SPATA6L: variants seen among roughly 807,000 people sequenced by gnomAD.
SPATA6L encodes the protein spermatogenesis associated 6 like.
In SPATA6L, 68 loss-of-function variants were observed where a neutral mutation model predicts 49.2. That is an observed-to-expected ratio of 1.38 (90% CI 1.14 to 1.69). The LOEUF (loss-of-function observed/expected upper bound fraction) is 1.69, where lower values mean the gene tolerates loss of function less well. Among genes scored for constraint, SPATA6L ranks in the 40% most tolerant of loss-of-function variants. SPATA6L has a pLI of 0.00. For synonymous variants in SPATA6L, 198 were observed against 165.7 expected (o/e 1.19, Z -1.50); for missense variants, 668 against 464.3 (o/e 1.44, Z -4.03).
chr9:4,597,397 G>A (rs1822367779), downstream of SPATA6L, among the ~76,000 whole-genome samples: 1 of 151,106 alleles, frequency 6.6e-6, no homozygotes, highest in African/African-American at 2.4e-5. Context: ...GAGGTGGGCG[G>A]AGCTAATGGA....
chr9:4,648,541 A>C (rs972151979), intron 3 of SPATA6L, among the ~76,000 whole-genome samples: 1 of 151,736 alleles, frequency 6.6e-6, no homozygotes, highest in Non-Finnish European at 1.5e-5. Flanking sequence ...TCTACTAAAA[A>C]TACAAAAAAT....
intron 11 of SPATA6L, among the ~76,000 whole-genome samples, chr9:4,601,533 C>G (rs139970619): frequency 3.0e-3 from 460 of 152,298 alleles, no homozygotes; most frequent in African/African-American, 0.01. Flanking sequence ...CACCCATTCT[C>G]TCCCTCTACG....
intron 2 of SPATA6L, among the ~76,000 whole-genome samples, chr9:4,661,115 T>C (rs183018533): frequency 6.6e-6 from 1 of 152,186 alleles, no homozygotes. Context: ...GTTGTGCATA[T>C]GTACCCTAGA....
intron 2 of SPATA6L, among the ~76,000 whole-genome samples, chr9:4,658,858 G>A (rs1838918651): frequency 6.6e-6 from 1 of 151,254 alleles, no homozygotes; most frequent in African/African-American, 2.4e-5. Context: ...CTGGTGTGGT[G>A]GCAGATCCCT....
downstream of SPATA6L, among the ~76,000 whole-genome samples, chr9:4,596,827 C>A (rs994601535): frequency 2.6e-5 from 4 of 152,116 alleles, no homozygotes; most frequent in African/African-American, 9.7e-5. Context: ...GTACAGAGAA[C>A]CTGAGGTTTG....
At chr9:4,607,090 G>A (rs1586982072) in intron 9 of SPATA6L, among the ~76,000 whole-genome samples, 1 of 151,876 alleles carries the variant, frequency 6.6e-6, no homozygotes. Flanking sequence ...GGGAAGTTTA[G>A]AGAAAAAAGA....
chr9:4,605,469 A>G, intron 9 of SPATA6L, 29 bp from the exon 10 acceptor site: 1 of 1,521,534 alleles, frequency 6.6e-7, no homozygotes, highest in Non-Finnish European at 9.1e-7. Flanking sequence ...AGGGTGGAAT[A>G]TTAAGCAGCT....
chr9:4,629,287 C>T lies in SPATA6L; in HGVS notation c.352-119G>A, dbSNP rs113430330. ...TCTTCTGTGTGGCATAATCCACACA[C>T]ATTATCTAAAATATATATGTAATAA... On this transcript the variant is annotated intron_variant, in intron 4 of 11. Transcript: ENST00000682582. 2,047 of 618,176 alleles carry T rather than the reference C, an allele frequency of 3.3e-3. 29 individuals are homozygous for T. In the African/African-American group the frequency reaches 0.035, roughly 10 times the overall value. The allele number at this position is 618,176 out of a possible 1,614,324, so 38.3% of individuals were successfully genotyped here.
chr9:4,638,264 T>C (rs1162332242), intron 3 of SPATA6L, among the ~76,000 whole-genome samples: 1 of 152,132 alleles, frequency 6.6e-6, no homozygotes, highest in Non-Finnish European at 1.5e-5. Flanking sequence ...CAGACTGGAG[T>C]GCAGTGGCAC....
intron 13 of SPATA6L, among the ~76,000 whole-genome samples, chr9:4,592,581 G>C (rs1821977746): frequency 6.6e-6 from 1 of 152,198 alleles, no homozygotes; most frequent in South Asian, 2.1e-4. Flanking sequence ...TTCTTCACCA[G>C]GCATTGTAAG....
Position 4,600,318 on chromosome 9 carries a change from C to T in SPATA6L, c.*493G>A, listed in dbSNP as rs1035545769. Among the ~76,000 whole-genome samples, 2 of 152,134 alleles carry T rather than the reference C, an allele frequency of 1.3e-5. No homozygotes were observed. Among genetic ancestry groups the T allele is most frequent in the Non-Finnish European group, 2.9e-5 (2 of 68,028 alleles). On this transcript the variant is annotated 3_prime_UTR_variant, in exon 12 of 12. Coordinates refer to ENST00000682582, the MANE Select transcript of SPATA6L (RefSeq NM_001353486.2). ...GGTTTTTAGTGGACTTCACGTAAATCAAGCCTAACACTAAGAAATAAACAA... is the reference window on the plus strand; with the variant it reads ...GGTTTTTAGTGGACTTCACGTAAATTAAGCCTAACACTAAGAAATAAACAA...
rs1021563901 is a variant in SPATA6L, at chr9:4,662,822, C to T, written c.40-786G>A. Reference sequence around the variant, plus strand: ...GACACGGCATCCCCTGGCTGCTGGGCACCCTCTACTGCCTGTGCAGGAGCG... The same window carrying T: ...GACACGGCATCCCCTGGCTGCTGGGTACCCTCTACTGCCTGTGCAGGAGCG... On this transcript the variant is annotated intron_variant, in intron 1 of 11. Transcript: ENST00000682582. This position sits in a 1 kb window ranked among gnomAD's most constrained non-coding sequence, Gnocchi z 4.9. 1 of 1,604,992 alleles carries T rather than the reference C, an allele frequency of 6.2e-7. No individual in the cohort carries two copies. The highest frequency in any genetic ancestry group is 1.3e-5 in the African/African-American group (1 of 74,930).
At chr9:4,657,299 C>A (rs1169033743) in intron 2 of SPATA6L, among the ~76,000 whole-genome samples, 5 of 151,956 alleles carry the variant, frequency 3.3e-5, no homozygotes, top group Admixed American at 3.3e-4. Context: ...GTTTTTTTGC[C>A]TAAATTATTT....
chr9:4,613,217 G>C (rs1827181725), intron 9 of SPATA6L, among the ~76,000 whole-genome samples: 1 of 148,944 alleles, frequency 6.7e-6, no homozygotes, highest in South Asian at 2.1e-4. Flanking sequence ...AACATAGCAA[G>C]ATTCTATCTC....
chr9:4,663,232 C>G, intron 1 of SPATA6L: 2 of 1,614,014 alleles, frequency 1.2e-6, no homozygotes, highest in Non-Finnish European at 1.7e-6. Context: ...CATAATGCTC[C>G]GGTCCTCTTT....
chr9:4,654,651 C>G (rs1837687456), intron 3 of SPATA6L, among the ~76,000 whole-genome samples: 1 of 152,130 alleles, frequency 6.6e-6, no homozygotes, highest in Admixed American at 6.5e-5. Flanking sequence ...GATGGGGGAG[C>G]CAGCAGGGAG....
intron 9 of SPATA6L, among the ~76,000 whole-genome samples, chr9:4,605,921 TG>T (rs1824723165): frequency 1.3e-5 from 2 of 152,112 alleles, no homozygotes; most frequent in South Asian, 4.1e-4. Flanking sequence ...CACTAGGGAG[TG>T]CCAGACAGTG....
chr9:4,658,524 T>G (rs563866409), intron 2 of SPATA6L, among the ~76,000 whole-genome samples: 1 of 152,282 alleles, frequency 6.6e-6, no homozygotes, highest in Non-Finnish European at 1.5e-5. Flanking sequence ...AAAAAGTGGT[T>G]CCATGATTTG....
At chr9:4,642,424 G>A (rs1038866700) in intron 3 of SPATA6L, among the ~76,000 whole-genome samples, 8 of 152,176 alleles carry the variant, frequency 5.3e-5, no homozygotes, top group Non-Finnish European at 7.4e-5. Flanking sequence ...GCTCAGTTCC[G>A]TCTACCTATG....
Sources: allele counts gnomAD v4.1 joint callset (sites outside exome capture counted in the v4.1 genomes callset), GRCh38; gene constraint gnomAD v4.1.1; non-coding constraint Gnocchi (gnomAD v3.1); transcripts MANE v1.5; gene names NCBI Gene and HGNC (gene_info 2026-07-23, HGNC 2026-07-21).